The following LIPC variants were observed in gnomAD, a reference collection of about 807,000 sequenced individuals.
LIPC encodes the protein hepatic triacylglycerol lipase.
In LIPC, 44 loss-of-function variants were observed where a neutral mutation model predicts 50.7. That is an observed-to-expected ratio of 0.87 (90% CI 0.68 to 1.11). The LOEUF (loss-of-function observed/expected upper bound fraction) is 1.11. LIPC is among the 50% of genes most tolerant of loss of function. The probability of loss-of-function intolerance (pLI) is 0.00; values close to 1 mark genes in which losing one functional copy is unlikely to be tolerated. For missense variants in LIPC, 697 were observed against 648.2 expected, an observed-to-expected ratio of 1.08 and a Z score of -0.82; for synonymous variants, 271 against 256.4, an observed-to-expected ratio of 1.06 and a Z score of -0.54.
At chr15:58,475,497 A>G (rs1252570105) in intron 1 of LIPC, among the ~76,000 whole-genome samples, 2 of 151,882 alleles carry the variant, frequency 1.3e-5, no homozygotes, top group South Asian at 4.2e-4. Context: ...CACCCAACTC[A>G]ACTATTACCT....
rs1157107647 is a variant in LIPC, at chr15:58,567,261, G to GTA, written c.1389-1451_1389-1450dup. Among the ~76,000 whole-genome samples the GTA allele has an allele frequency of 5.0e-3, 177 of 35,188 alleles. 3 individuals carry two copies. Among genetic ancestry groups the GTA allele is most frequent in the African/African-American group, 0.012 (171 of 13,688 alleles). The allele number at this position is 35,188 out of a possible 152,430, so 23.1% of individuals were successfully genotyped here. ...TATGTGTGTGTGTGTATATATATAT[G>GTA]TATATGTGTGTGTGTGTGTGTATAT... is the stretch of plus-strand genomic sequence containing the variant. On this transcript the variant is annotated intron_variant, in intron 8 of 8. Coordinates refer to ENST00000299022, the MANE Select transcript of LIPC (RefSeq NM_000236.3).
Position 58,542,451 on chromosome 15 carries a change from G to A in LIPC, c.457-83G>A. ...TTTCTGAGCAGGCACGAAGAACAGG[G>A]TGGGCGCCACAACACACTGGACCGC... On this transcript the variant is annotated intron_variant, in intron 3 of 8. Transcript: ENST00000299022. 8 of 871,602 alleles carry A rather than the reference G, an allele frequency of 9.2e-6. No individual in the cohort carries two copies. In the South Asian group the frequency reaches 1.1e-4, roughly 12 times the overall value. 54.0% of individuals were successfully genotyped at this position (871,602 alleles called of 1,614,324 possible).
At chr15:58,500,663 A>G (rs1240766799) in intron 1 of LIPC, among the ~76,000 whole-genome samples, 2 of 152,168 alleles carry the variant, frequency 1.3e-5, no homozygotes, top group African/African-American at 4.8e-5. Flanking sequence ...TTGAGCAGAT[A>G]GATTTGGGAT....
chr15:58,528,860 T>G (rs1892866878), intron 1 of LIPC, among the ~76,000 whole-genome samples: 1 of 152,172 alleles, frequency 6.6e-6, no homozygotes, highest in Non-Finnish European at 1.5e-5. Flanking sequence ...GTGGCCCTGA[T>G]TTTCCTTTTA....
chr15:58,536,046 T>A (rs536467790), intron 1 of LIPC, among the ~76,000 whole-genome samples: 1 of 152,038 alleles, frequency 6.6e-6, no homozygotes, highest in Non-Finnish European at 1.5e-5. Flanking sequence ...CGCTGACAGG[T>A]GGAGGAAGCA....
intron 3 of LIPC, 45 bp from the exon 4 acceptor site, chr15:58,542,489 T>A: frequency 7.7e-7 from 1 of 1,296,556 alleles, no homozygotes; most frequent in Non-Finnish European, 1.1e-6. Flanking sequence ...AAGGCTTTCA[T>A]CCAGGCAGCT....
intron 1 of LIPC, among the ~76,000 whole-genome samples, chr15:58,508,241 T>C (rs1467620256): frequency 7.5e-6 from 1 of 133,958 alleles, no homozygotes; most frequent in Admixed American, 7.9e-5. Flanking sequence ...GGGCCAAGGG[T>C]GGGGGGTAGG....
At chr15:58,518,632 C>T (rs1040888549) in intron 1 of LIPC, among the ~76,000 whole-genome samples, 1 of 152,188 alleles carries the variant, frequency 6.6e-6, no homozygotes, top group Non-Finnish European at 1.5e-5. Flanking sequence ...AGAGGCAGAA[C>T]AGAGCAGTTA....
At chr15:58,548,721 T>A in intron 6 of LIPC, 149 bp downstream of exon 6, 2 of 1,114,388 alleles carry the variant, frequency 1.8e-6, no homozygotes, top group Non-Finnish European at 2.6e-6. Context: ...ACAGCAACGT[T>A]GACACAGCCT....
At chr15:58,481,546 T>C (rs1891189492) in intron 1 of LIPC, among the ~76,000 whole-genome samples, 1 of 152,228 alleles carries the variant, frequency 6.6e-6, no homozygotes, top group Non-Finnish European at 1.5e-5. Context: ...AGCTCACACC[T>C]GTACTCCCAG....
chr15:58,533,472 G>A (rs1362761929), intron 1 of LIPC, among the ~76,000 whole-genome samples: 1 of 152,136 alleles, frequency 6.6e-6, no homozygotes, highest in African/African-American at 2.4e-5. Context: ...ACTACACTAA[G>A]AAAATACTAA....
At chr15:58,567,857 G>T (rs1352005926) in intron 8 of LIPC, among the ~76,000 whole-genome samples, 1 of 152,210 alleles carries the variant, frequency 6.6e-6, no homozygotes, top group Admixed American at 6.5e-5. Context: ...AGAGAGGGGA[G>T]TGATGTTAGT....
chr15:58,499,676 C>T (rs773898864), intron 1 of LIPC, among the ~76,000 whole-genome samples: 24 of 152,138 alleles, frequency 1.6e-4, no homozygotes, highest in Non-Finnish European at 3.2e-4. Flanking sequence ...CTGGGGGGAT[C>T]CATTTCTTAT....
intron 1 of LIPC, among the ~76,000 whole-genome samples, chr15:58,466,554 A>G (rs1334138073): frequency 6.6e-6 from 1 of 152,348 alleles, no homozygotes; most frequent in South Asian, 2.1e-4. Context: ...TTGGTTAGCC[A>G]TCTTGACCAA....
intron 6 of LIPC, among the ~76,000 whole-genome samples, chr15:58,556,142 C>G (rs1264634707): frequency 6.6e-6 from 1 of 152,202 alleles, no homozygotes; most frequent in Non-Finnish European, 1.5e-5. Context: ...TAGTATGTAG[C>G]TTAACACATA....
chr15:58,467,624 C>T (rs1211934002), intron 1 of LIPC, among the ~76,000 whole-genome samples: 3 of 152,262 alleles, frequency 2.0e-5, no homozygotes, highest in South Asian at 2.1e-4. Context: ...TGCTCGGCTA[C>T]TTTTTCCTCC....
At chr15:58,564,514 G>A (rs1894291807) in intron 8 of LIPC, among the ~76,000 whole-genome samples, 1 of 151,032 alleles carries the variant, frequency 6.6e-6, no homozygotes, top group Admixed American at 6.6e-5. Context: ...GATCACCTGA[G>A]GTCAGGAGTT....
intron 1 of LIPC, among the ~76,000 whole-genome samples, chr15:58,531,235 A>G (rs1225627555): frequency 6.6e-6 from 1 of 152,190 alleles, no homozygotes; most frequent in Non-Finnish European, 1.5e-5. Context: ...GATGTTAAGC[A>G]CATTTTCTTG....
At chr15:58,564,022 C>T (rs1210215279) in intron 8 of LIPC, 1 of 455,078 alleles carries the variant, frequency 2.2e-6, no homozygotes, top group East Asian at 4.5e-5. Context: ...TCTCAAGCTT[C>T]GGTGCAGGTG....
Sources: gnomAD v4.1 joint callset for allele counts (sites outside exome capture counted in the v4.1 genomes callset) on GRCh38, gnomAD v4.1.1 for gene constraint, MANE v1.5 for transcripts, NCBI Gene and HGNC (gene_info 2026-07-23, HGNC 2026-07-21) for gene names.